BRPF3: variants seen among roughly 807,000 people sequenced by gnomAD.
The protein encoded by BRPF3 is bromodomain and PHD finger-containing protein 3.
In BRPF3, 18 loss-of-function variants were observed where a neutral mutation model predicts 102.0. The observed-to-expected ratio is 0.18, with a 90% CI of 0.12 to 0.26. The LOEUF (loss-of-function observed/expected upper bound fraction) is 0.26. Among genes scored for constraint, BRPF3 ranks in the 10% least tolerant of loss-of-function variants. The pLI is 1.00. For synonymous variants in BRPF3, 570 were observed against 614.2 expected (o/e 0.93, Z 1.06); for missense variants, 1,147 against 1,567.8 (o/e 0.73, Z 4.53).
In BRPF3 at chr6:36,211,347, G is replaced by T. The variant is rs1442029620; in HGVS notation, c.2269G>T (p.Ala757Ser). 2 of 1,614,238 alleles carry T rather than the reference G, an allele frequency of 1.2e-6. No individual in the cohort carries two copies. The highest frequency in any genetic ancestry group is 1.7e-6 in the Non-Finnish European group (2 of 1,180,046). ...ELLEKLDLVS[A>S]MRSSGARTRR... ...GCTGGAGAAACTGGACCTGGTGAGC[G>T]CCATGCGGTCCAGTGGGGCCCGCAC... Residue 757 changes from alanine to serine, a missense_variant, in exon 7 of 13, where the codon GCC becomes TCC. This residue lies in a region of BRPF3 where 379 missense variants were observed against 426.3 expected (regional missense o/e 0.89). Coordinates refer to ENST00000357641, the MANE Select transcript of BRPF3 (RefSeq NM_015695.3).
chr6:36,219,042 A>G (rs1768435703), intron 9 of BRPF3, among the ~76,000 whole-genome samples: 1 of 152,134 alleles, frequency 6.6e-6, no homozygotes, highest in Admixed American at 6.5e-5. Context: ...ATGACTGCTG[A>G]ATGGGTCTTA....
intron 11 of BRPF3, among the ~76,000 whole-genome samples, chr6:36,228,686 TA>T (rs1369287884): frequency 2.0e-5 from 3 of 152,242 alleles, no homozygotes; most frequent in African/African-American, 7.2e-5. Context: ...GCAAAGGTAC[TA>T]AGGGGAAATT....
chr6:36,220,621 A>G lies in BRPF3; in HGVS notation c.3084-1547A>G, dbSNP rs1046520616. ...TTTTCTCATCTTGACGTGAACTTTG[A>G]GAGGCTTTCCTGATAAAATTACTAG... On this transcript the variant is annotated intron_variant, in intron 9 of 12. Transcript: ENST00000357641. Among the ~76,000 whole-genome samples the G allele has an allele frequency of 3.3e-5, 5 of 152,228 alleles. No homozygotes were observed. In the East Asian group the frequency reaches 9.6e-4, roughly 29 times the overall value.
rs200845037 is a variant in BRPF3, at chr6:36,213,563, T to C, written c.2483-317T>C. Among the ~76,000 whole-genome samples the C allele has an allele frequency of 5.3e-5, 8 of 152,060 alleles. No homozygotes were observed. In the East Asian group the frequency reaches 1.5e-3, roughly 29 times the overall value. ...TTTTTGAAAAATTAGCCTAGCCAAG[T>C]GTGGTGGTGTGTGCTTATAGACCTA... On this transcript the variant is annotated intron_variant, in intron 7 of 12. Transcript: ENST00000357641.
chr6:36,205,507 G>A (rs4140602), intron 3 of BRPF3, among the ~76,000 whole-genome samples: 1 of 152,206 alleles, frequency 6.6e-6, no homozygotes, highest in African/African-American at 2.4e-5. Context: ...TATCTGGCCC[G>A]CCTTGAACCT....
chr6:36,225,478 G>GA, intron 11 of BRPF3, 114 bp downstream of exon 11: 1 of 942,330 alleles, frequency 1.1e-6, no homozygotes, highest in Non-Finnish European at 1.6e-6. Flanking sequence ...TAGCTGTAGA[G>GA]GGGAGGGGGG....
At position 36,201,631 on chromosome 6, in the gene BRPF3, G is replaced by C. The variant is rs771817686; in HGVS notation, c.1309G>C (p.Val437Leu). The change falls in exon 2 of 13, where the codon GTG becomes CTG. Residue 437 changes from valine (V) to leucine (L), a missense_variant. Transcript: ENST00000357641. This position sits in a 1 kb window ranked among gnomAD's most constrained non-coding sequence, Gnocchi z 5.1. The stretch of plus-strand genomic sequence containing the variant: ...AGAAGAGCAGGAAGCTCAAGGCGGG[G>C]TGAGTGGCTCCCTCAAGGGAGTGCC... ...EEEEQEAQGG[V>L]SGSLKGVPKK... The C allele has an allele frequency of 3.1e-6, 5 of 1,614,084 alleles. No homozygotes were observed. The African/African-American group carries it at 6.7e-5, about 22-fold the overall frequency.
At chr6:36,197,774 A>C (rs1471951225) in intron 1 of BRPF3, among the ~76,000 whole-genome samples, 1 of 152,066 alleles carries the variant, frequency 6.6e-6, no homozygotes, top group South Asian at 2.1e-4. Flanking sequence ...TTGTGGGCGA[A>C]ACTCTTTTCA....
intron 4 of BRPF3, 82 bp from the exon 5 acceptor site, chr6:36,209,705 A>G: frequency 2.0e-6 from 3 of 1,528,202 alleles, no homozygotes; most frequent in South Asian, 1.3e-5. Context: ...CAAGATTGGT[A>G]AAAGTCAAAC....
Position 36,214,000 on chromosome 6 carries a change from C to A in BRPF3, c.2603C>A (p.Pro868Gln), listed in dbSNP as rs1017109959. 1.9e-6 allele frequency: 3 copies of A among 1,614,012 alleles called. No individual in the cohort carries two copies. In the African/African-American group the frequency reaches 4.0e-5, roughly 22 times the overall value. Reference protein sequence around the residue: ...TLKPINDSKPPSRFLKPRKVE... With the variant: ...TLKPINDSKPQSRFLKPRKVE... ...AAACCCATTAATGATAGCAAACCTC[C>A]AAGCAGGTTCCTAAAGCCCAGAAAG... Residue 868 changes from proline (P) to glutamine (Q), a missense_variant, in exon 8 of 13, where the codon CCA becomes CAA. Transcript: ENST00000357641.
At chr6:36,224,752 G>A (rs1561834278) in intron 10 of BRPF3, among the ~76,000 whole-genome samples, 1 of 152,156 alleles carries the variant, frequency 6.6e-6, no homozygotes, top group Non-Finnish European at 1.5e-5. Context: ...ATTTTTCCAG[G>A]GAAAGCTGTC....
In BRPF3 at chr6:36,232,222, A is replaced by G. The variant is rs1250131201; in HGVS notation, c.*1613A>G. On this transcript the variant is annotated 3_prime_UTR_variant, in exon 13 of 13. Transcript: ENST00000357641. ...ATATGGCTAGGGAAGGACATGGTGT[A>G]TATAATTGTAAAATACTGTTCTAAA... 6.6e-6 allele frequency: 1 copy of G among 152,574 alleles called. No homozygotes were observed. The highest frequency in any genetic ancestry group is 1.5e-5 in the Non-Finnish European group (1 of 68,046). The allele number at this position is 152,574 out of a possible 1,614,324, so 9.5% of individuals were successfully genotyped here.
chr6:36,209,973 G>T (rs576516654), intron 5 of BRPF3, 58 bp downstream of exon 5: 1 of 1,601,870 alleles, frequency 6.2e-7, no homozygotes, highest in East Asian at 2.2e-5. Context: ...CAGGGTCTGA[G>T]TAGGCTAGGA....
At chr6:36,220,396 C>T (rs1561831924) in intron 9 of BRPF3, among the ~76,000 whole-genome samples, 1 of 152,140 alleles carries the variant, frequency 6.6e-6, no homozygotes, top group Non-Finnish European at 1.5e-5. Flanking sequence ...TTCATTAATC[C>T]TTACAACAAC....
At chr6:36,211,021 G>T (rs1343482231) in intron 6 of BRPF3, among the ~76,000 whole-genome samples, 1 of 152,244 alleles carries the variant, frequency 6.6e-6, no homozygotes. Context: ...GCTCCATGGA[G>T]CCCATAATCG....
At chr6:36,199,217 C>T (rs192954779) in intron 1 of BRPF3, among the ~76,000 whole-genome samples, 29 of 152,304 alleles carry the variant, frequency 1.9e-4, no homozygotes, top group African/African-American at 3.4e-4. Context: ...GTCAGATCAG[C>T]GGCTGCTTTG....
intron 9 of BRPF3, among the ~76,000 whole-genome samples, chr6:36,219,440 AC>A (rs577474159): frequency 1.8e-4 from 27 of 152,312 alleles, no homozygotes; most frequent in Middle Eastern, 6.8e-3. Context: ...CTGGAAGCCC[AC>A]TTTGTTGGGG....
chr6:36,218,127 C>T (rs1294800254), intron 9 of BRPF3, 117 bp downstream of exon 9: 1 of 845,724 alleles, frequency 1.2e-6, no homozygotes, highest in Non-Finnish European at 1.8e-6. Context: ...CCCACTCCTG[C>T]TATTTCCTGA....
intron 3 of BRPF3, 113 bp downstream of exon 3, chr6:36,204,927 C>G: frequency 7.0e-7 from 1 of 1,432,864 alleles, no homozygotes; most frequent in Non-Finnish European, 9.4e-7. Flanking sequence ...GAGCCTTTGC[C>G]TACCTGTCTG....
Sources: allele counts gnomAD v4.1 joint callset (sites outside exome capture counted in the v4.1 genomes callset), GRCh38; gene constraint gnomAD v4.1.1; regional missense constraint gnomAD v4.1.1; non-coding constraint Gnocchi (gnomAD v3.1); transcripts MANE v1.5; gene names NCBI Gene and HGNC (gene_info 2026-07-23, HGNC 2026-07-21).